Variants in DOCK9 observed in about 807,000 individuals in gnomAD.
DOCK9 encodes dedicator of cytokinesis protein 9.
In DOCK9, 89 loss-of-function variants were observed where a neutral mutation model predicts 263.3. That is an observed-to-expected ratio of 0.34 (90% CI 0.28 to 0.40). The LOEUF is 0.40. Among genes scored for constraint, DOCK9 ranks in the 10% least tolerant of loss-of-function variants. DOCK9 has a pLI of 1.00. For synonymous variants in DOCK9, 976 were observed against 973.1 expected (o/e 1.00, Z -0.06); for missense variants, 2,140 against 2,603.4 (o/e 0.82, Z 3.87).
intron 41 of DOCK9, among the ~76,000 whole-genome samples, 163 bp downstream of exon 41, chr13:98,831,185 T>C (rs1434943625): frequency 6.6e-6 from 1 of 152,252 alleles, no homozygotes; most frequent in African/African-American, 2.4e-5. Flanking sequence ...CTTATAGTAA[T>C]GGAACATGAA....
chr13:98,841,895 A>G (rs1273026324), intron 38 of DOCK9, among the ~76,000 whole-genome samples: 1 of 151,974 alleles, frequency 6.6e-6, no homozygotes, highest in Non-Finnish European at 1.5e-5. Context: ...TGCCTGTCTC[A>G]GCCTCCCAAA....
At chr13:98,860,701 G>A (rs1294677111) in intron 32 of DOCK9, among the ~76,000 whole-genome samples, 179 bp from the exon 33 acceptor site, 2 of 150,994 alleles carry the variant, frequency 1.3e-5, no homozygotes, top group African/African-American at 4.9e-5. Flanking sequence ...TGGGTCAGAG[G>A]GGGAGCAGGG....
chr13:98,873,335 T>A (rs140694506), intron 27 of DOCK9, among the ~76,000 whole-genome samples: 29 of 152,380 alleles, frequency 1.9e-4, no homozygotes, highest in African/African-American at 6.7e-4. Flanking sequence ...TTCGCTTCCC[T>A]GTCCCAGGCT....
chr13:98,939,213 C>G (rs1356098914), intron 2 of DOCK9, among the ~76,000 whole-genome samples: 2 of 152,224 alleles, frequency 1.3e-5, no homozygotes, highest in African/African-American at 4.8e-5. Flanking sequence ...AGCAGGACTG[C>G]AGACCTAGGG....
intron 18 of DOCK9, among the ~76,000 whole-genome samples, chr13:98,887,615 C>CA (rs58976892): frequency 0.02 from 744 of 37,200 alleles, 176 homozygotes; most frequent in African/African-American, 0.081. Flanking sequence ...GACTCCATCT[C>CA]AAAAAAAAAA....
At position 98,863,026 on chromosome 13, in the gene DOCK9, G is replaced by A. The variant is rs780668988; in HGVS notation, c.3572C>T (p.Ala1191Val). Residue 1191 changes from alanine to valine, a missense_variant, in exon 32 of 53, where the codon GCG becomes GTG. Ala to Val is a moderately conservative substitution (Grantham distance 64). Around this residue, in one of 2 missense-constraint regions of DOCK9, gnomAD observed 1,521 missense variants for 1,741.7 expected, o/e 0.87. Coordinates refer to ENST00000682017, the MANE Select transcript of DOCK9 (RefSeq NM_001366683.2). ...GTGACCATGCTTACGTACCATGCCC[G>A]CGTTCACAGGGAAGGGTGACACATC... ...VRDVSPFPVN[A>V]GMTVKDESLA... 2.6e-5 allele frequency: 42 copies of A among 1,605,152 alleles called. No homozygotes were observed. Among genetic ancestry groups the A allele is most frequent in the Non-Finnish European group, 2.9e-5 (34 of 1,175,976 alleles).
rs2092485867 is a variant in DOCK9 at position 98,825,432 on chromosome 13, C to A, written c.5024-928G>T. Among the ~76,000 whole-genome samples the A allele has an allele frequency of 6.6e-6, 1 of 152,120 alleles. No individual in the cohort carries two copies. Among genetic ancestry groups the A allele is most frequent in the Non-Finnish European group, 1.5e-5 (1 of 68,010 alleles). On this transcript the variant is annotated intron_variant, in intron 44 of 52. Transcript: ENST00000682017. The surrounding 1 kb of genome is among the most constrained non-coding windows in gnomAD (Gnocchi z 4.1). The stretch of plus-strand genomic sequence containing the variant: ...GAAATCAAGCCTTGAAAACGGAGAT[C>A]CTGAAGTCAGAGATTTTTCTGCTGC...
chr13:98,835,492 A>AT (rs1255723506), intron 39 of DOCK9, among the ~76,000 whole-genome samples: 2 of 152,048 alleles, frequency 1.3e-5, no homozygotes, highest in East Asian at 1.9e-4. Context: ...AACAGGAAAC[A>AT]TTTTTTGCAT....
intron 34 of DOCK9, among the ~76,000 whole-genome samples, chr13:98,854,311 A>C (rs2093647659): frequency 6.6e-6 from 1 of 152,228 alleles, no homozygotes; most frequent in African/African-American, 2.4e-5. Context: ...ATTGAAATAA[A>C]AAAAATTTTT....
At chr13:98,865,037 T>C (rs1185694812) in intron 30 of DOCK9, among the ~76,000 whole-genome samples, 1 of 152,114 alleles carries the variant, frequency 6.6e-6, no homozygotes, top group Non-Finnish European at 1.5e-5. Flanking sequence ...ACTGCAAAAC[T>C]GTGAGCCAAA....
At chr13:98,801,959 A>T (rs1210322854) in intron 49 of DOCK9, among the ~76,000 whole-genome samples, 1 of 152,224 alleles carries the variant, frequency 6.6e-6, no homozygotes, top group East Asian at 1.9e-4. Flanking sequence ...AGGGTTCCCG[A>T]CTTGGTTTCA....
chr13:98,873,505 T>C (rs1453649639), intron 27 of DOCK9, among the ~76,000 whole-genome samples: 2 of 152,230 alleles, frequency 1.3e-5, no homozygotes, highest in Non-Finnish European at 2.9e-5. Context: ...AGACTACATT[T>C]ACCAGCATCC....
At chr13:99,070,285 T>C (rs750901919) in intron 1 of DOCK9, among the ~76,000 whole-genome samples, 21 of 152,240 alleles carry the variant, frequency 1.4e-4, no homozygotes, top group Non-Finnish European at 8.8e-5. Flanking sequence ...CAATATTCAA[T>C]GTATTTGCTT....
intron 13 of DOCK9, among the ~76,000 whole-genome samples, chr13:98,898,931 CT>C (rs2047837158): frequency 6.6e-6 from 1 of 152,086 alleles, no homozygotes; most frequent in African/African-American, 2.4e-5. Flanking sequence ...ATCTATACCC[CT>C]ATTGCTAAAA....
upstream of DOCK9, chr13:99,087,757 G>T (rs1380928374): frequency 6.6e-6 from 1 of 152,368 alleles, no homozygotes; most frequent in Non-Finnish European, 1.5e-5. Flanking sequence ...CCCGGGCGGG[G>T]AGCCTGACTG....
At position 98,904,722 on chromosome 13, in the gene DOCK9, A is replaced by G. The variant is rs2048828417; in HGVS notation, c.961-16T>C. The G allele has an allele frequency of 6.5e-7, 1 of 1,545,326 alleles. No homozygotes were observed. Among genetic ancestry groups the G allele is most frequent in the East Asian group, 2.4e-5 (1 of 41,170 alleles). ...CTCTTGCACTCTGATAACAAGATAC[A>G]TGAAAATTACATTTAACACAATCCT... is the stretch of plus-strand genomic sequence containing the variant. On this transcript the variant is annotated splice_polypyrimidine_tract_variant and intron_variant, in intron 9 of 52. Coordinates refer to ENST00000682017, the MANE Select transcript of DOCK9 (RefSeq NM_001366683.2).
intron 1 of DOCK9, among the ~76,000 whole-genome samples, chr13:98,992,579 T>C (rs770547569): frequency 6.6e-5 from 10 of 152,196 alleles, no homozygotes; most frequent in Non-Finnish European, 1.5e-4. Flanking sequence ...TCCCCTGCTG[T>C]TCTCATGAGT....
chr13:98,808,865 T>C (rs1251666137), intron 47 of DOCK9, among the ~76,000 whole-genome samples: 7 of 152,200 alleles, frequency 4.6e-5, no homozygotes, highest in Non-Finnish European at 1.0e-4. Context: ...GTAAATATAC[T>C]TGTGGAGATA....
chr13:98,944,029 T>C lies in DOCK9; in HGVS notation c.243+11406A>G, dbSNP rs140915533. Among the ~76,000 whole-genome samples the C allele has an allele frequency of 2.9e-3, 443 of 152,364 alleles. 2 individuals are homozygous for C. Among genetic ancestry groups the C allele is most frequent in the African/African-American group, 0.01 (427 of 41,584 alleles). On this transcript the variant is annotated intron_variant, in intron 2 of 52. Coordinates refer to ENST00000682017, the MANE Select transcript of DOCK9 (RefSeq NM_001366683.2). ...GATAAAATTGTCCTTCTATGCCTCA[T>C]TGGTTTGCAAATATGGTCTGCATTT...
Sources: gnomAD v4.1 joint callset for allele counts (sites outside exome capture counted in the v4.1 genomes callset) on GRCh38, gnomAD v4.1.1 for gene constraint, gnomAD v4.1.1 regional missense constraint, Gnocchi (gnomAD v3.1) non-coding constraint, MANE v1.5 for transcripts, NCBI Gene and HGNC (gene_info 2026-07-23, HGNC 2026-07-21) for gene names.